The following PTPRR variants were observed in gnomAD, a reference collection of about 807,000 sequenced individuals.
PTPRR encodes the protein protein tyrosine phosphatase receptor type R, also known as receptor-type tyrosine-protein phosphatase R.
Under a neutral mutation model 77.2 loss-of-function variants are expected in PTPRR, and 38 were observed. The ratio of observed to expected loss-of-function variants is 0.49; its 90% CI spans 0.38 to 0.65. The LOEUF is 0.65. Among genes scored for constraint, PTPRR ranks in the 30% least tolerant of loss-of-function variants. PTPRR has a pLI of 0.00. For missense variants in PTPRR, 744 were observed against 799.2 expected (o/e 0.93, Z 0.83); for synonymous variants, 299 against 283.1 (o/e 1.06, Z -0.57).
chr12:70,779,997 C>CT (rs376982227), intron 2 of PTPRR, among the ~76,000 whole-genome samples: 12,689 of 146,046 alleles, frequency 0.087, 531 homozygotes, highest in African/African-American at 0.11. Flanking sequence ...TTGAAACTCA[C>CT]TTTTTTTTTT....
intron 6 of PTPRR, among the ~76,000 whole-genome samples, chr12:70,728,495 T>C (rs1178041397): frequency 1.8e-3 from 2 of 1,110 alleles, no homozygotes; most frequent in African/African-American, 2.5e-3. Flanking sequence ...TATATATATG[T>C]ATGTATGTAT....
At chr12:70,874,184 C>T (rs866816998) in intron 2 of PTPRR, among the ~76,000 whole-genome samples, 1 of 152,140 alleles carries the variant, frequency 6.6e-6, no homozygotes, top group Admixed American at 6.6e-5. Context: ...TGGGCCCATA[C>T]TTTTACTCTT....
In PTPRR at chr12:70,764,626, C is replaced by G. The variant is rs11178399; in HGVS notation, c.471+39G>C. ...TTAGTGATTAAAAAAACCACACACA[C>G]GGCTTGAATTTTGGAAATGCGAAAT... On this transcript the variant is annotated intron_variant, in intron 3 of 13. Coordinates refer to ENST00000283228, the MANE Select transcript of PTPRR (RefSeq NM_002849.4). 7 of 1,515,052 alleles carry G rather than the reference C, an allele frequency of 4.6e-6. No homozygotes were observed. The Middle Eastern group carries it at 5.1e-4, about 110-fold the overall frequency. The allele number at this position is 1,515,052 out of a possible 1,614,324, so 93.9% of individuals were successfully genotyped here. A position where few individuals can be genotyped will look rare whatever the true frequency, so the allele number is the denominator to read the frequency against.
At chr12:70,871,470 G>A (rs1216564635) in intron 2 of PTPRR, among the ~76,000 whole-genome samples, 6 of 152,052 alleles carry the variant, frequency 3.9e-5, no homozygotes, top group African/African-American at 1.4e-4. Context: ...CTCTCCATGG[G>A]CAAAATTATG....
intron 2 of PTPRR, among the ~76,000 whole-genome samples, chr12:70,856,843 GA>G (rs1892660589): frequency 6.6e-6 from 1 of 151,714 alleles, no homozygotes; most frequent in Non-Finnish European, 1.5e-5. Context: ...GTGGGGGAGA[GA>G]GGGGGAGAGA....
chr12:70,884,898 T>TAAAAAAAAAAAAAAA (rs1893212543), intron 2 of PTPRR, among the ~76,000 whole-genome samples: 1 of 112,676 alleles, frequency 8.9e-6, no homozygotes, highest in Non-Finnish European at 1.8e-5. Context: ...AAAAAAAAAG[T>TAAAAAAAAAAAAAAA]TTTGCAGGCT....
At chr12:70,799,378 T>G (rs1210544371) in intron 2 of PTPRR, among the ~76,000 whole-genome samples, 1 of 152,240 alleles carries the variant, frequency 6.6e-6, no homozygotes, top group East Asian at 1.9e-4. Context: ...AAATTTTCAA[T>G]TGAGCTCCCA....
intron 13 of PTPRR, among the ~76,000 whole-genome samples, chr12:70,642,045 G>C (rs946297213): frequency 1.3e-5 from 2 of 152,200 alleles, no homozygotes; most frequent in East Asian, 3.9e-4. Flanking sequence ...CCTTCTTAGA[G>C]AGTTGTGTCT....
At chr12:70,661,150 C>A in intron 11 of PTPRR, 53 bp from the exon 12 acceptor site, 1 of 1,563,126 alleles carries the variant, frequency 6.4e-7, no homozygotes, top group South Asian at 1.2e-5. Flanking sequence ...AACTAAAAGT[C>A]ATCCAAACCA....
At chr12:70,882,565 A>C (rs117894211) in intron 2 of PTPRR, among the ~76,000 whole-genome samples, 3,601 of 152,320 alleles carry the variant, frequency 0.024, 61 homozygotes, top group Non-Finnish European at 0.037. Flanking sequence ...TTTATTTATA[A>C]AAACTTTATT....
intron 2 of PTPRR, among the ~76,000 whole-genome samples, chr12:70,845,069 T>A (rs1892461108): frequency 6.6e-6 from 1 of 152,076 alleles, no homozygotes; most frequent in African/African-American, 2.4e-5. Context: ...GAACTGGACA[T>A]GGAAAAAGGA....
intron 2 of PTPRR, among the ~76,000 whole-genome samples, chr12:70,890,908 A>C (rs1314496470): frequency 6.6e-6 from 1 of 152,016 alleles, no homozygotes; most frequent in Non-Finnish European, 1.5e-5. Context: ...TAATTGCATC[A>C]CCCCTTTGCT....
chr12:70,885,159 G>A (rs1427081957), intron 2 of PTPRR, among the ~76,000 whole-genome samples: 2 of 152,012 alleles, frequency 1.3e-5, no homozygotes, highest in Admixed American at 6.5e-5. Context: ...CTTTCCCTGA[G>A]ATAAGCTCAC....
intron 13 of PTPRR, among the ~76,000 whole-genome samples, chr12:70,649,650 A>G (rs1209577619): frequency 6.6e-6 from 1 of 152,070 alleles, no homozygotes; most frequent in Non-Finnish European, 1.5e-5. Flanking sequence ...AAGTCGGCTC[A>G]CCACAACTCT....
At chr12:70,734,897 C>A (rs1889808860) in intron 6 of PTPRR, among the ~76,000 whole-genome samples, 1 of 152,074 alleles carries the variant, frequency 6.6e-6, no homozygotes, top group South Asian at 2.1e-4. Flanking sequence ...TTTTACTCAC[C>A]CTGGGTTGTA....
At chr12:70,850,463 A>G (rs896347099) in intron 2 of PTPRR, among the ~76,000 whole-genome samples, 2 of 152,200 alleles carry the variant, frequency 1.3e-5, no homozygotes, top group African/African-American at 4.8e-5. Flanking sequence ...ATCCAACTCT[A>G]CTAACTAAAA....
At chr12:70,855,300 G>T (rs1892633653) in intron 2 of PTPRR, among the ~76,000 whole-genome samples, 1 of 152,164 alleles carries the variant, frequency 6.6e-6, no homozygotes, top group Non-Finnish European at 1.5e-5. Flanking sequence ...AAACCCAAAA[G>T]GAATAGTTAT....
At chr12:70,760,836 G>A (rs1057058147) in intron 4 of PTPRR, among the ~76,000 whole-genome samples, 4 of 152,172 alleles carry the variant, frequency 2.6e-5, no homozygotes, top group Admixed American at 6.6e-5. Context: ...GTTTGTTAGA[G>A]CGGGATGGAG....
At chr12:70,845,666 A>T (rs1254438112) in intron 2 of PTPRR, among the ~76,000 whole-genome samples, 2 of 152,172 alleles carry the variant, frequency 1.3e-5, no homozygotes, top group Non-Finnish European at 2.9e-5. Context: ...TTAAGTCTTC[A>T]TTGGATAAAA....
Sources: allele counts gnomAD v4.1 joint callset (sites outside exome capture counted in the v4.1 genomes callset), GRCh38; gene constraint gnomAD v4.1.1; transcripts MANE v1.5; gene names NCBI Gene and HGNC (gene_info 2026-07-23, HGNC 2026-07-21).